GRAMD1B: variants seen among roughly 807,000 people sequenced by gnomAD.
GRAMD1B encodes the protein GRAM domain containing 1B.
A neutral mutation model predicts 99.7 loss-of-function variants in GRAMD1B; 37 were observed. The observed-to-expected ratio is 0.37, with a 90% CI of 0.29 to 0.49. The LOEUF (loss-of-function observed/expected upper bound fraction) is 0.49. GRAMD1B is among the 20% of genes least tolerant of loss of function. The probability of loss-of-function intolerance (pLI) is 0.98; values close to 1 mark genes in which losing one functional copy is unlikely to be tolerated. For missense variants in GRAMD1B, 888 were observed against 1,009.2 expected (o/e 0.88, Z 1.63); for synonymous variants, 427 against 387.6 (o/e 1.10, Z -1.19).
At chr11:123,451,837 T>TTA (rs140732433) in intron 1 of GRAMD1B, among the ~76,000 whole-genome samples, 18,058 of 148,912 alleles carry the variant, frequency 0.12, 1,407 homozygotes, top group East Asian at 0.25. Flanking sequence ...TGACAGCAGA[T>TTA]TATATATATA....
Position 123,591,660 on chromosome 11 carries a change from C to G in GRAMD1B, c.685-2422C>G. 1 of 396,110 alleles carries G rather than the reference C, an allele frequency of 2.5e-6. No individual in the cohort carries two copies. Among genetic ancestry groups the G allele is most frequent in the Non-Finnish European group, 4.4e-6 (1 of 225,012 alleles). The allele number at this position is 396,110 out of a possible 1,614,324, so 24.5% of individuals were successfully genotyped here. Reference sequence around the variant, plus strand: ...CAATCTTGGAACCGAAATTATTTGACCATTTTAAATTGAAATAGGTGAGCC... The same window carrying G: ...CAATCTTGGAACCGAAATTATTTGAGCATTTTAAATTGAAATAGGTGAGCC... On this transcript the variant is annotated intron_variant, in intron 4 of 19. Coordinates refer to ENST00000635736, the MANE Select transcript of GRAMD1B (RefSeq NM_001387025.1). This position sits in a 1 kb window ranked among gnomAD's most constrained non-coding sequence, Gnocchi z 4.7.
intron 2 of GRAMD1B, among the ~76,000 whole-genome samples, chr11:123,524,038 C>G (rs1312478592): frequency 1.3e-5 from 2 of 152,086 alleles, no homozygotes; most frequent in African/African-American, 4.8e-5. Flanking sequence ...GGAATCAGGT[C>G]ACAAAAGGTT....
At chr11:123,612,494 A>G (rs763243474) in intron 14 of GRAMD1B, among the ~76,000 whole-genome samples, 12 of 151,956 alleles carry the variant, frequency 7.9e-5, no homozygotes, top group Non-Finnish European at 1.5e-4. Context: ...GTGTGCCATC[A>G]TAAGAGAACT....
At chr11:123,613,682 C>A in intron 16 of GRAMD1B, 24 bp downstream of exon 16, 3 of 1,590,272 alleles carry the variant, frequency 1.9e-6, no homozygotes, top group South Asian at 2.2e-5. Context: ...GGGGACAGGT[C>A]GGGTGGACTA....
chr11:123,488,636 C>A (rs926029573), intron 2 of GRAMD1B, among the ~76,000 whole-genome samples: 1 of 151,778 alleles, frequency 6.6e-6, no homozygotes, highest in Non-Finnish European at 1.5e-5. Context: ...CTTCTCCCCT[C>A]GCCACCCCAC....
chr11:123,420,394 C>T (rs1339017825), intron 1 of GRAMD1B, among the ~76,000 whole-genome samples: 1 of 152,110 alleles, frequency 6.6e-6, no homozygotes, highest in African/African-American at 2.4e-5. Context: ...AGAGGTACAC[C>T]TACATTATTA....
intron 2 of GRAMD1B, among the ~76,000 whole-genome samples, chr11:123,494,043 T>C (rs528181174): frequency 2.1e-4 from 32 of 152,202 alleles, no homozygotes; most frequent in Non-Finnish European, 4.7e-4. Context: ...GTTGACTTGA[T>C]CATTGTCTGT....
At chr11:123,486,975 T>C (rs1320669910) in intron 2 of GRAMD1B, among the ~76,000 whole-genome samples, 2 of 152,152 alleles carry the variant, frequency 1.3e-5, no homozygotes, top group East Asian at 3.9e-4. Flanking sequence ...AGGCTAAGGC[T>C]GGAGAATCAC....
chr11:123,361,875 G>A (rs1486590630), intron 1 of GRAMD1B, among the ~76,000 whole-genome samples: 1 of 152,238 alleles, frequency 6.6e-6, no homozygotes, highest in Non-Finnish European at 1.5e-5. Context: ...GAAAGAGAGA[G>A]AGAAAGTATC....
chr11:123,383,809 A>T (rs1565463273), intron 1 of GRAMD1B, among the ~76,000 whole-genome samples: 1 of 148,890 alleles, frequency 6.7e-6, no homozygotes, highest in African/African-American at 2.5e-5. Context: ...TATATATATG[A>T]ATATATATTT....
intron 8 of GRAMD1B, among the ~76,000 whole-genome samples, chr11:123,601,830 A>G (rs1389068242): frequency 6.6e-6 from 1 of 152,216 alleles, no homozygotes; most frequent in Admixed American, 6.5e-5. Flanking sequence ...AGGGTCATTC[A>G]TATGCTTCGC....
chr11:123,415,364 G>A (rs1565484294), intron 1 of GRAMD1B, among the ~76,000 whole-genome samples: 2 of 152,108 alleles, frequency 1.3e-5, no homozygotes, highest in Non-Finnish European at 2.9e-5. Context: ...GCCTCCCAAA[G>A]TGCTGGGATT....
chr11:123,501,239 C>T (rs199538928), intron 2 of GRAMD1B, among the ~76,000 whole-genome samples: 7 of 152,080 alleles, frequency 4.6e-5, no homozygotes, highest in African/African-American at 1.7e-4. Context: ...GGCACGATCT[C>T]GGCTCACTGC....
chr11:123,527,906 G>T (rs746958105), intron 2 of GRAMD1B, among the ~76,000 whole-genome samples: 26 of 152,170 alleles, frequency 1.7e-4, no homozygotes, highest in Non-Finnish European at 3.2e-4. Context: ...TTAAAAATCT[G>T]CCTTGAGCAT....
In GRAMD1B at chr11:123,500,616, T is replaced by A. The variant is rs1939756441; in HGVS notation, c.452+19723T>A. 2.0e-5 allele frequency among the ~76,000 whole-genome samples: 3 copies of A among 152,264 alleles called. No homozygotes were observed. In the South Asian group the frequency reaches 6.2e-4, roughly 32 times the overall value. On this transcript the variant is annotated intron_variant, in intron 2 of 19. Coordinates refer to ENST00000635736, the MANE Select transcript of GRAMD1B (RefSeq NM_001387025.1). ...CTGTGTACTTTGTGGAGGAGCAATG[T>A]TTATGTTCTAAGGTAATAATAATGG...
At chr11:123,586,128 A>T (rs745970050) in intron 4 of GRAMD1B, among the ~76,000 whole-genome samples, 4 of 152,042 alleles carry the variant, frequency 2.6e-5, no homozygotes, top group Non-Finnish European at 4.4e-5. Flanking sequence ...AGTACTCAGC[A>T]TAGCGATGGG....
intron 1 of GRAMD1B, among the ~76,000 whole-genome samples, chr11:123,421,724 A>G (rs1327424759): frequency 6.6e-6 from 1 of 152,228 alleles, no homozygotes; most frequent in Non-Finnish European, 1.5e-5. Context: ...GGTTGAGGGC[A>G]TAGAAAATGA....
intron 2 of GRAMD1B, among the ~76,000 whole-genome samples, chr11:123,497,351 T>C (rs1939402347): frequency 6.6e-6 from 1 of 152,178 alleles, no homozygotes; most frequent in African/African-American, 2.4e-5. Flanking sequence ...CCATGGGGAC[T>C]GCACTGGTTC....
intron 1 of GRAMD1B, among the ~76,000 whole-genome samples, chr11:123,372,260 T>A (rs1946553231): frequency 6.6e-6 from 1 of 152,202 alleles, no homozygotes; most frequent in Admixed American, 6.5e-5. Context: ...TATGGTGAAT[T>A]CTAGATAAGA....
Sources: gnomAD v4.1 joint callset for allele counts (sites outside exome capture counted in the v4.1 genomes callset) on GRCh38, gnomAD v4.1.1 for gene constraint, Gnocchi (gnomAD v3.1) non-coding constraint, MANE v1.5 for transcripts, NCBI Gene and HGNC (gene_info 2026-07-23, HGNC 2026-07-21) for gene names.